Variants in LRRC74A observed in about 807,000 individuals in gnomAD.
LRRC74A encodes leucine rich repeat containing 74A, also known as leucine-rich repeat-containing protein 74A.
A neutral mutation model predicts 57.9 loss-of-function variants in LRRC74A; 44 were observed. That is an observed-to-expected ratio of 0.76 (90% CI 0.60 to 0.98). The LOEUF (loss-of-function observed/expected upper bound fraction) is 0.98. LRRC74A is among the 50% of genes least tolerant of loss of function. The pLI is 0.00. For synonymous variants in LRRC74A, 211 were observed against 219.4 expected (o/e 0.96, Z 0.34); for missense variants, 572 against 574.0 (o/e 1.00, Z 0.04).
intron 2 of LRRC74A, chr14:76,828,699 A>G: frequency 1.9e-6 from 1 of 532,764 alleles, no homozygotes; most frequent in South Asian, 1.6e-5. Context: ...AGGTTTTCTA[A>G]TCTTCTAAAT....
rs532594403 is a variant in LRRC74A, at chr14:76,853,055, G to C, written c.763-161G>C. On this transcript the variant is annotated intron_variant, in intron 8 of 13. Transcript: ENST00000689127. Reference sequence around the variant, plus strand: ...GGGAGTCTCATGAGTACTTGAGACTGAGCCCAGCTGGGAGCTCTGAATGAT... The same window carrying C: ...GGGAGTCTCATGAGTACTTGAGACTCAGCCCAGCTGGGAGCTCTGAATGAT... Among the ~76,000 whole-genome samples, 5 of 152,294 alleles carry C rather than the reference G, an allele frequency of 3.3e-5. No homozygotes were observed. In the South Asian group the frequency reaches 1.0e-3, roughly 32 times the overall value.
At chr14:76,845,358 G>A (rs1897052734) in intron 7 of LRRC74A, among the ~76,000 whole-genome samples, 1 of 151,656 alleles carries the variant, frequency 6.6e-6, no homozygotes, top group Non-Finnish European at 1.5e-5. Flanking sequence ...AAAAGAAGAA[G>A]GGGAAGGGAA....
rs575052327 is a variant in LRRC74A, at chr14:76,866,881, C to T, written c.1309-475C>T. Among the ~76,000 whole-genome samples the T allele has an allele frequency of 4.8e-5, 7 of 145,820 alleles. No individual in the cohort carries two copies. In the South Asian group the frequency reaches 1.6e-3, roughly 33 times the overall value. Reference sequence around the variant, plus strand: ...TTTCCCCTGAGCTCTCAATCAGATGCCCTCCATGGTCCCAAGAGTGAGGCA... The same window carrying T: ...TTTCCCCTGAGCTCTCAATCAGATGTCCTCCATGGTCCCAAGAGTGAGGCA... On this transcript the variant is annotated intron_variant, in intron 12 of 13. Transcript: ENST00000689127.
intron 10 of LRRC74A, among the ~76,000 whole-genome samples, chr14:76,859,242 TAGAAATG>T (rs1898110751): frequency 2.0e-5 from 3 of 152,022 alleles, no homozygotes; most frequent in Non-Finnish European, 4.4e-5. Flanking sequence ...GAGAGAACAT[TAGAAATG>T]TTCTCTCAGG....
intron 2 of LRRC74A, 51 bp downstream of exon 2, chr14:76,828,470 G>T: frequency 1.2e-6 from 2 of 1,611,996 alleles, no homozygotes; most frequent in South Asian, 1.1e-5. Flanking sequence ...TCAGAAACTG[G>T]AGAAATCTGG....
chr14:76,861,074 AG>A (rs570335671), intron 11 of LRRC74A, among the ~76,000 whole-genome samples: 14 of 152,256 alleles, frequency 9.2e-5, no homozygotes, highest in African/African-American at 3.4e-4. Context: ...ATCTAGCTGA[AG>A]GGGGCAGGTG....
In LRRC74A at chr14:76,853,429, G is replaced by GC; in HGVS notation, c.957+19_957+20insC. 1 of 1,497,780 alleles carries GC rather than the reference G, an allele frequency of 6.7e-7. No individual in the cohort carries two copies. The highest frequency in any genetic ancestry group is 2.2e-5 in the Admixed American group (1 of 45,070). 92.8% of individuals were successfully genotyped at this position (1,497,780 alleles called of 1,614,324 possible). On this transcript the variant is annotated intron_variant, in intron 9 of 13. Coordinates refer to ENST00000689127, the MANE Select transcript of LRRC74A (RefSeq NM_001385106.1). ...TCTGAAGGTAGTCTTCAGCTGGAAA[G>GC]GGTGTGTGTGTGTGTGTGTGTGTGT...
chr14:76,834,575 CT>C (rs1387592730), intron 3 of LRRC74A, among the ~76,000 whole-genome samples: 1 of 152,236 alleles, frequency 6.6e-6, no homozygotes. Flanking sequence ...CAGCCTAGCA[CT>C]GTACCCTTGC....
intron 9 of LRRC74A, among the ~76,000 whole-genome samples, chr14:76,855,005 C>T (rs572390210): frequency 7.9e-5 from 12 of 152,280 alleles, no homozygotes; most frequent in Non-Finnish European, 1.3e-4. Flanking sequence ...ACGTGGTTTT[C>T]CATGGCAACT....
chr14:76,854,841 C>A (rs1056092297), intron 9 of LRRC74A, among the ~76,000 whole-genome samples: 1 of 152,164 alleles, frequency 6.6e-6, no homozygotes, highest in Non-Finnish European at 1.5e-5. Context: ...TAATCATCCC[C>A]CTTTCTGGGG....
At chr14:76,863,572 C>T (rs186672746) in intron 11 of LRRC74A, among the ~76,000 whole-genome samples, 11 of 152,354 alleles carry the variant, frequency 7.2e-5, no homozygotes, top group Admixed American at 4.6e-4. Flanking sequence ...GAACGCCCTT[C>T]GTGTTCCCGA....
rs1372540082 is a variant in LRRC74A, at chr14:76,828,426, A to T, written c.166+7A>T. 3.1e-6 allele frequency: 5 copies of T among 1,613,946 alleles called. No individual in the cohort carries two copies. The East Asian group carries it at 8.9e-5, about 29-fold the overall frequency. On this transcript the variant is annotated splice_region_variant and intron_variant, in intron 2 of 13. Coordinates refer to ENST00000689127, the MANE Select transcript of LRRC74A (RefSeq NM_001385106.1). ...ACAGACCTGGAGATTGAAGGCGAGCATGGGCATTTGGGGGCAGTCAGGGCA... is the reference window on the plus strand; with the variant it reads ...ACAGACCTGGAGATTGAAGGCGAGCTTGGGCATTTGGGGGCAGTCAGGGCA...
In LRRC74A at chr14:76,844,065, C is replaced by A. The variant is rs1383924774; in HGVS notation, c.545-358C>A. On this transcript the variant is annotated intron_variant, in intron 5 of 13. Coordinates refer to ENST00000689127, the MANE Select transcript of LRRC74A (RefSeq NM_001385106.1). ...CCAGGCTGGAGTGCAGTGGCACCAA[C>A]ATGGCACACTGCAGCCTCGACCTCC... Among the ~76,000 whole-genome samples, 3 of 152,208 alleles carry A rather than the reference C, an allele frequency of 2.0e-5. No individual in the cohort carries two copies. The East Asian group carries it at 5.8e-4, about 29-fold the overall frequency.
intron 3 of LRRC74A, 138 bp from the exon 4 acceptor site, chr14:76,836,069 C>G: frequency 1.5e-6 from 1 of 650,064 alleles, no homozygotes; most frequent in Non-Finnish European, 2.8e-6. Context: ...GTTCTGGTCT[C>G]CTCGCCCTTG....
chr14:76,865,454 A>T (rs934203125), intron 11 of LRRC74A, among the ~76,000 whole-genome samples: 22 of 152,216 alleles, frequency 1.4e-4, no homozygotes, highest in African/African-American at 5.3e-4. Flanking sequence ...GTATGTTTCC[A>T]TATGAGCATT....
intron 9 of LRRC74A, among the ~76,000 whole-genome samples, chr14:76,855,918 G>A (rs1043668466): frequency 5.3e-5 from 8 of 152,242 alleles, no homozygotes; most frequent in African/African-American, 9.6e-5. Context: ...AGCAGCCATA[G>A]GTGATAAGTA....
intron 10 of LRRC74A, among the ~76,000 whole-genome samples, chr14:76,859,965 A>G (rs1222624154): frequency 6.6e-6 from 1 of 152,158 alleles, no homozygotes; most frequent in Non-Finnish European, 1.5e-5. Context: ...GGCTTGAGAC[A>G]TCGAGCCTGT....
chr14:76,847,638 CAA>C (rs1316207823), intron 7 of LRRC74A, among the ~76,000 whole-genome samples: 2 of 151,218 alleles, frequency 1.3e-5, no homozygotes, highest in Admixed American at 1.3e-4. Flanking sequence ...CCCTGTGACA[CAA>C]GTTTACCTAT....
At chr14:76,833,040 A>G (rs1896076252) in intron 3 of LRRC74A, among the ~76,000 whole-genome samples, 1 of 152,238 alleles carries the variant, frequency 6.6e-6, no homozygotes, top group Admixed American at 6.5e-5. Context: ...GGACTGAGAA[A>G]TAATTCTTTA....
Sources: gnomAD v4.1 joint callset for allele counts (sites outside exome capture counted in the v4.1 genomes callset) on GRCh38, gnomAD v4.1.1 for gene constraint, MANE v1.5 for transcripts, NCBI Gene and HGNC (gene_info 2026-07-23, HGNC 2026-07-21) for gene names.